The following CHAT variants were observed in gnomAD, a reference collection of about 807,000 sequenced individuals.
The protein encoded by CHAT is choline O-acetyltransferase.
Under a neutral mutation model 76.9 loss-of-function variants are expected in CHAT, and 61 were observed. That is an observed-to-expected ratio of 0.79 (90% CI 0.65 to 0.98). The LOEUF (loss-of-function observed/expected upper bound fraction) is 0.98. CHAT is among the 50% of genes least tolerant of loss of function. CHAT has a pLI of 0.00. For synonymous variants in CHAT, 407 were observed against 397.4 expected, an observed-to-expected ratio of 1.02 and a Z score of -0.29; for missense variants, 946 against 986.9, an observed-to-expected ratio of 0.96 and a Z score of 0.56.
chr10:49,613,900 G>T (rs1219390722), upstream of CHAT: 12 of 551,172 alleles, frequency 2.2e-5, no homozygotes, highest in Admixed American at 3.8e-4. Flanking sequence ...AGATGGTGTA[G>T]CAGGGTTTGA....
At chr10:49,650,849 A>G (rs1348685976) in intron 10 of CHAT, among the ~76,000 whole-genome samples, 1 of 152,112 alleles carries the variant, frequency 6.6e-6, no homozygotes, top group Non-Finnish European at 1.5e-5. Flanking sequence ...CAGGTGTTCT[A>G]TAAAGTGGTG....
At chr10:49,617,092 C>T (rs1180416031) in intron 2 of CHAT, among the ~76,000 whole-genome samples, 2 of 152,176 alleles carry the variant, frequency 1.3e-5, no homozygotes, top group Non-Finnish European at 1.5e-5. Flanking sequence ...AGCCAGCCTT[C>T]GGGTGGCAGA....
chr10:49,656,193 T>C (rs1235341461), intron 13 of CHAT, among the ~76,000 whole-genome samples: 3 of 152,040 alleles, frequency 2.0e-5, no homozygotes, highest in African/African-American at 4.8e-5. Context: ...GACTTCTCTC[T>C]AATTCAGTTG....
In CHAT at chr10:49,662,127, C is replaced by T. The variant is rs1315571614; in HGVS notation, c.1840-518C>T. On this transcript the variant is annotated intron_variant, in intron 13 of 14. Coordinates refer to ENST00000337653, the MANE Select transcript of CHAT (RefSeq NM_020549.5). ...AGATCTCACACCCTCTATCCTCTAT[C>T]TCTTGTTCCCTGGGCTCCTACTGGA... Among the ~76,000 whole-genome samples, 5 of 152,302 alleles carry T rather than the reference C, an allele frequency of 3.3e-5. No individual in the cohort carries two copies. In the East Asian group the frequency reaches 9.7e-4, roughly 29 times the overall value.
chr10:49,648,709 G>C (rs1370435583), intron 9 of CHAT, 102 bp downstream of exon 9: 1 of 707,472 alleles, frequency 1.4e-6, no homozygotes, highest in Non-Finnish European at 2.5e-6. Flanking sequence ...AGATGAATTT[G>C]AAAAAAATGT....
In CHAT at chr10:49,615,880, G is replaced by A. The variant is rs548182792; in HGVS notation, c.287-622G>A. 166 of 660,616 alleles carry A rather than the reference G, an allele frequency of 2.5e-4. 1 individual carries two copies. The East Asian group carries it at 4.5e-3, about 18-fold the overall frequency. The allele number at this position is 660,616 out of a possible 1,614,324, so 40.9% of individuals were successfully genotyped here. On this transcript the variant is annotated intron_variant, in intron 1 of 14. Transcript: ENST00000337653. Reference sequence around the variant, plus strand: ...AGCCTGCAGACCCGAGACTGCCTAGGTCACAACGCCTCCAGCAGGCCCAGA... The same window carrying A: ...AGCCTGCAGACCCGAGACTGCCTAGATCACAACGCCTCCAGCAGGCCCAGA...
chr10:49,614,286 C>T lies in CHAT; in HGVS notation c.97C>T (p.Pro33Ser). 6.5e-7 allele frequency: 1 copy of T among 1,548,574 alleles called. No individual in the cohort carries two copies. The highest frequency in any genetic ancestry group is 8.7e-7 in the Non-Finnish European group (1 of 1,146,582). The change falls in exon 1 of 15, where the codon CCA becomes TCA. Residue 33 changes from proline to serine, a missense_variant. Transcript: ENST00000337653. Reference sequence around the variant, plus strand: ...TACAAGAGGAAGGAGAGAAGTGCGGCCAGCTTGCTTTCTCCAGTCGGGTGG... The same window carrying T: ...TACAAGAGGAAGGAGAGAAGTGCGGTCAGCTTGCTTTCTCCAGTCGGGTGG... ...GGTRGRREVRPACFLQSGGRG... is the reference protein window; with the variant it reads ...GGTRGRREVRSACFLQSGGRG...
rs749185880 is a variant in CHAT at position 49,662,635 on chromosome 10, A to G, written c.1840-10A>G. On this transcript the variant is annotated splice_polypyrimidine_tract_variant and intron_variant, in intron 13 of 14. Coordinates refer to ENST00000337653, the MANE Select transcript of CHAT (RefSeq NM_020549.5). ...TTCTCATCTCCTGTTCTTTGTCCCCAACTACACAGGCCATAACAGGGATGG... is the reference window on the plus strand; with the variant it reads ...TTCTCATCTCCTGTTCTTTGTCCCCGACTACACAGGCCATAACAGGGATGG... 13 of 1,613,932 alleles carry G rather than the reference A, an allele frequency of 8.1e-6. No individual in the cohort carries two copies. Among genetic ancestry groups the G allele is most frequent in the Non-Finnish European group, 1.1e-5 (13 of 1,180,026 alleles).
At chr10:49,646,283 C>A (rs542308960) in intron 7 of CHAT, among the ~76,000 whole-genome samples, 2 of 152,208 alleles carry the variant, frequency 1.3e-5, no homozygotes, top group African/African-American at 2.4e-5. Flanking sequence ...AGGGACCGTG[C>A]GAATGAGCTG....
intron 10 of CHAT, among the ~76,000 whole-genome samples, chr10:49,650,054 A>AG (rs1839826762): frequency 6.6e-6 from 1 of 152,002 alleles, no homozygotes; most frequent in South Asian, 2.1e-4. Flanking sequence ...CCCCAAGGGG[A>AG]GGGGGCCGTT....
chr10:49,649,513 A>G lies in CHAT; in HGVS notation c.1388A>G (p.Gln463Arg). Residue 463 changes from glutamine to arginine, a missense_variant, in exon 10 of 15, where the codon CAG becomes CGG. Physicochemically the swap from Gln to Arg is conservative, Grantham distance 43. Transcript: ENST00000337653. Reference protein sequence around the residue: ...CTEHLLKHVTQSSRKLIRADS... With the variant: ...CTEHLLKHVTRSSRKLIRADS... Reference sequence around the variant, plus strand: ...GGTTGCCTCTGTGCCCGCAGGACGCAGAGCAGCAGGAAGCTGATCCGAGCA... The same window carrying G: ...GGTTGCCTCTGTGCCCGCAGGACGCGGAGCAGCAGGAAGCTGATCCGAGCA... The G allele has an allele frequency of 3.1e-6, 5 of 1,613,876 alleles. No homozygotes were observed. The highest frequency in any genetic ancestry group is 4.2e-6 in the Non-Finnish European group (5 of 1,180,052).
At chr10:49,610,559 CCGGA>C (rs140705145), upstream of CHAT, 678 of 557,828 alleles carry the variant, frequency 1.2e-3, 5 homozygotes, top group African/African-American at 0.011. Flanking sequence ...CAACGCCTCG[CCGGA>C]CGGAGTCCTT....
At chr10:49,646,881 C>T (rs1391081481) in intron 8 of CHAT, among the ~76,000 whole-genome samples, 1 of 152,168 alleles carries the variant, frequency 6.6e-6, no homozygotes, top group Non-Finnish European at 1.5e-5. Flanking sequence ...AATCTCTGGA[C>T]CAGCCAGAAC....
At chr10:49,612,038 C>T, upstream of CHAT, 1 of 1,613,718 alleles carries the variant, frequency 6.2e-7, no homozygotes, top group Non-Finnish European at 8.5e-7. Context: ...GTGGCCTACG[C>T]GCTCGGGCCC....
At chr10:49,612,446 C>T, upstream of CHAT, 1 of 1,081,306 alleles carries the variant, frequency 9.2e-7, no homozygotes, top group Non-Finnish European at 1.3e-6. Flanking sequence ...CAGCGAGTAC[C>T]CCAGCCACTC....
chr10:49,631,325 C>G (rs535235497), intron 7 of CHAT, among the ~76,000 whole-genome samples: 2 of 152,332 alleles, frequency 1.3e-5, no homozygotes, highest in Admixed American at 6.5e-5. Flanking sequence ...GCCACCTTCT[C>G]TGTGTGTCTT....
chr10:49,655,305 GGGCTCGGCCCTCTGAC>G (rs1229887445), intron 12 of CHAT, 65 bp from the exon 13 acceptor site: 2 of 1,613,258 alleles, frequency 1.2e-6, no homozygotes, highest in Admixed American at 3.3e-5. Flanking sequence ...GGGTTGCAGT[GGGCTCGGCCCTCTGAC>G]CACCAGATGC....
At position 49,651,969 on chromosome 10, in the gene CHAT, G is replaced by A. The variant is rs1036422847; in HGVS notation, c.1597G>A (p.Ala533Thr). The change falls in exon 11 of 15, where the codon GCC (alanine) becomes ACC (threonine). Residue 533 changes from alanine to threonine, a missense_variant. Around this residue, in one of 3 missense-constraint regions of CHAT, gnomAD observed 349 missense variants for 393.9 expected, o/e 0.89. Transcript: ENST00000337653. ...TAAGAAGCAGAAATGCAGCCCTGAT[G>A]CCTTCATCCAGGTGGCCCTCCAGCT... ...FIKKQKCSPD[A>T]FIQVALQLAF... is the part of the protein sequence containing the mutation. 8 of 1,614,112 alleles carry A rather than the reference G, an allele frequency of 5.0e-6. No individual in the cohort carries two copies. The Admixed American group carries it at 1.0e-4, about 20-fold the overall frequency.
intron 13 of CHAT, among the ~76,000 whole-genome samples, chr10:49,658,491 C>T (rs1443087235): frequency 6.6e-6 from 1 of 152,160 alleles, no homozygotes; most frequent in Non-Finnish European, 1.5e-5. Flanking sequence ...GTACTTCAGT[C>T]TGGGCAACAA....
Sources: allele counts gnomAD v4.1 joint callset (sites outside exome capture counted in the v4.1 genomes callset), GRCh38; gene constraint gnomAD v4.1.1; regional missense constraint gnomAD v4.1.1; transcripts MANE v1.5; gene names NCBI Gene and HGNC (gene_info 2026-07-23, HGNC 2026-07-21).